Variants in PPM1L observed in about 807,000 individuals in gnomAD.
PPM1L encodes protein phosphatase 1L.
Under a neutral mutation model 31.4 loss-of-function variants are expected in PPM1L, and 13 were observed. The observed-to-expected ratio is 0.41, with a 90% CI of 0.27 to 0.66. PPM1L has a LOEUF of 0.66. Among genes scored for constraint, PPM1L ranks in the 30% least tolerant of loss-of-function variants. The pLI is 0.29. For missense variants in PPM1L, 326 were observed against 453.7 expected, an observed-to-expected ratio of 0.72 and a Z score of 2.56; for synonymous variants, 184 against 175.4, an observed-to-expected ratio of 1.05 and a Z score of -0.39.
At chr3:160,809,556 C>G (rs1019616717) in intron 1 of PPM1L, among the ~76,000 whole-genome samples, 22 of 152,168 alleles carry the variant, frequency 1.4e-4, no homozygotes, top group African/African-American at 5.1e-4. Context: ...CAGCTCTCCC[C>G]ACTCTCTACT....
At chr3:160,970,166 G>A (rs535164860) in intron 2 of PPM1L, among the ~76,000 whole-genome samples, 20 of 152,128 alleles carry the variant, frequency 1.3e-4, no homozygotes, top group Non-Finnish European at 1.3e-4. Context: ...TTCCTGTCTT[G>A]TATCCATGTT....
intron 1 of PPM1L, among the ~76,000 whole-genome samples, chr3:160,835,064 C>CTTCTTCTTCTTCTTT (rs1256743009): frequency 0.013 from 1,937 of 146,748 alleles, 59 homozygotes; most frequent in African/African-American, 0.049. Context: ...TCTTCTTCTT[C>CTTCTTCTTCTTCTTT]TTCTTCTTCT....
chr3:160,965,524 G>T (rs1716113748), intron 2 of PPM1L, among the ~76,000 whole-genome samples: 1 of 152,010 alleles, frequency 6.6e-6, no homozygotes, highest in Admixed American at 6.6e-5. Context: ...CCAACTACAG[G>T]CTAATGTAAG....
chr3:160,849,357 G>C (rs530750137), intron 1 of PPM1L, among the ~76,000 whole-genome samples: 1 of 152,160 alleles, frequency 6.6e-6, no homozygotes, highest in South Asian at 2.1e-4. Context: ...CCAAGTAGCA[G>C]TCAGAGGACT....
At position 161,036,076 on chromosome 3, in the gene PPM1L, A is replaced by G. The variant is rs1370274791; in HGVS notation, c.575-29327A>G. The G allele has an allele frequency of 2.0e-5, 3 of 152,206 alleles. No homozygotes were observed. In the East Asian group the frequency reaches 5.8e-4, roughly 29 times the overall value. 9.4% of individuals were successfully genotyped at this position (152,206 alleles called of 1,614,324 possible). On this transcript the variant is annotated intron_variant, in intron 2 of 3. Transcript: ENST00000498165. The stretch of plus-strand genomic sequence containing the variant: ...ATCAGACTCTGCTTTGACATATTCT[A>G]TCTTAAATTTTGAAATTACTTTGGG...
At chr3:161,008,646 G>A (rs781494146) in intron 2 of PPM1L, among the ~76,000 whole-genome samples, 31 of 152,152 alleles carry the variant, frequency 2.0e-4, no homozygotes, top group Admixed American at 6.5e-5. Flanking sequence ...GTGAAGGCTG[G>A]TGGAGATTTC....
At chr3:160,922,161 T>G (rs60968261) in intron 1 of PPM1L, among the ~76,000 whole-genome samples, 9,501 of 152,010 alleles carry the variant, frequency 0.063, 357 homozygotes, top group Admixed American at 0.1. Flanking sequence ...ATACAAAAAA[T>G]TAGCCGGGCG....
At chr3:160,862,707 A>AG (rs1711946737) in intron 1 of PPM1L, among the ~76,000 whole-genome samples, 1 of 110,144 alleles carries the variant, frequency 9.1e-6, no homozygotes, top group Non-Finnish European at 2.0e-5. Context: ...CACACACAAA[A>AG]TTCTGAAACC....
At chr3:161,001,523 C>T (rs879301831) in intron 2 of PPM1L, among the ~76,000 whole-genome samples, 9 of 152,064 alleles carry the variant, frequency 5.9e-5, no homozygotes, top group Non-Finnish European at 1.3e-4. Flanking sequence ...TCAAGTAATT[C>T]GCCCCCCAAA....
At chr3:160,927,447 T>C (rs1310413823) in intron 1 of PPM1L, among the ~76,000 whole-genome samples, 1 of 152,202 alleles carries the variant, frequency 6.6e-6, no homozygotes, top group Non-Finnish European at 1.5e-5. Flanking sequence ...CATAGCATTT[T>C]TTTTCTTCCT....
intron 2 of PPM1L, among the ~76,000 whole-genome samples, chr3:160,967,569 GATCTA>G (rs61549546): frequency 0.36 from 55,136 of 151,400 alleles, 12,642 homozygotes; most frequent in Non-Finnish European, 0.51. Flanking sequence ...TCACCCCTTT[GATCTA>G]ATCAGCATCC....
At chr3:160,834,339 T>A (rs546504825) in intron 1 of PPM1L, among the ~76,000 whole-genome samples, 2 of 152,188 alleles carry the variant, frequency 1.3e-5, no homozygotes, top group Admixed American at 1.3e-4. Context: ...AAGGAATTCT[T>A]TCCCCATTGC....
At chr3:160,862,880 G>A (rs145061558) in intron 1 of PPM1L, among the ~76,000 whole-genome samples, 2 of 152,168 alleles carry the variant, frequency 1.3e-5, no homozygotes, top group African/African-American at 4.8e-5. Context: ...ATACCTCTCA[G>A]TTTAATTTTC....
intron 2 of PPM1L, among the ~76,000 whole-genome samples, chr3:160,982,097 C>T (rs1014429876): frequency 3.3e-5 from 5 of 152,130 alleles, no homozygotes; most frequent in African/African-American, 9.7e-5. Flanking sequence ...ACCTGCATCT[C>T]ATTTCTTGGA....
At chr3:161,042,317 T>A (rs1291838760) in intron 2 of PPM1L, among the ~76,000 whole-genome samples, 2 of 152,242 alleles carry the variant, frequency 1.3e-5, no homozygotes, top group East Asian at 3.8e-4. Context: ...GCTTGTTAAA[T>A]GCCTGCTGAA....
chr3:161,042,050 G>A lies in PPM1L; in HGVS notation c.575-23353G>A, dbSNP rs192069509. Among the ~76,000 whole-genome samples the A allele has an allele frequency of 1.1e-4, 16 of 151,994 alleles. No individual in the cohort carries two copies. In the East Asian group the frequency reaches 1.9e-3, roughly 18 times the overall value. Reference sequence around the variant, plus strand: ...TACATATACATACTCATACATGCACGCAATACAAACCTTCCTCCCCACCAC... The same window carrying A: ...TACATATACATACTCATACATGCACACAATACAAACCTTCCTCCCCACCAC... On this transcript the variant is annotated intron_variant, in intron 2 of 3. Coordinates refer to ENST00000498165, the MANE Select transcript of PPM1L (RefSeq NM_139245.4).
intron 1 of PPM1L, among the ~76,000 whole-genome samples, chr3:160,906,755 A>T (rs559447121): frequency 6.6e-5 from 10 of 152,104 alleles, no homozygotes; most frequent in Non-Finnish European, 1.3e-4. Flanking sequence ...TTTCAAGCTC[A>T]CTCATGTGGT....
At chr3:161,028,004 G>A (rs927750513) in intron 2 of PPM1L, among the ~76,000 whole-genome samples, 4 of 152,184 alleles carry the variant, frequency 2.6e-5, no homozygotes, top group Non-Finnish European at 5.9e-5. Flanking sequence ...TGTGGCTGAA[G>A]TCCTTGTTCG....
intron 2 of PPM1L, among the ~76,000 whole-genome samples, chr3:160,985,221 A>G (rs1716926148): frequency 1.3e-5 from 2 of 152,158 alleles, no homozygotes; most frequent in African/African-American, 2.4e-5. Flanking sequence ...GTTTTGTTAC[A>G]TGGTGATTTC....
Sources: allele counts gnomAD v4.1 joint callset (sites outside exome capture counted in the v4.1 genomes callset), GRCh38; gene constraint gnomAD v4.1.1; transcripts MANE v1.5; gene names NCBI Gene and HGNC (gene_info 2026-07-23, HGNC 2026-07-21).